DHCR7: variants seen among roughly 807,000 people sequenced by gnomAD.
DHCR7 encodes the protein 7-dehydrocholesterol reductase.
Under a neutral mutation model 43.3 loss-of-function variants are expected in DHCR7, and 40 were observed. The observed-to-expected ratio is 0.92, with a 90% confidence interval of 0.72 to 1.20. The LOEUF (loss-of-function observed/expected upper bound fraction) is 1.20, where lower values mean the gene tolerates loss of function less well. Ranked by LOEUF, DHCR7 falls within the 50% of genes most tolerant of loss-of-function variation. The pLI is 0.00. For synonymous variants in DHCR7, 298 were observed against 271.4 expected, an observed-to-expected ratio of 1.10 and a Z score of -0.96; for missense variants, 608 against 644.6, an observed-to-expected ratio of 0.94 and a Z score of 0.62.
chr11:71,438,865 G>T lies in DHCR7; in HGVS notation c.831+14C>A. ...CGGCATCGGCGTTTCACCCTCTCCA[G>T]CCATGACAGGCACCTGCAGGACGTT... On this transcript the variant is annotated intron_variant, in intron 7 of 8. Transcript: ENST00000355527. 4 of 1,613,288 alleles carry T rather than the reference G, an allele frequency of 2.5e-6. No individual in the cohort carries two copies. In the South Asian group the frequency reaches 4.4e-5, roughly 18 times the overall value.
intron 4 of DHCR7, among the ~76,000 whole-genome samples, chr11:71,443,427 T>C (rs1197354469): frequency 1.3e-5 from 2 of 152,108 alleles, no homozygotes; most frequent in African/African-American, 4.8e-5. Flanking sequence ...TTTTCCTGGG[T>C]TCAGGCAATC....
At chr11:71,436,058 T>C (rs571501575) in intron 8 of DHCR7, 3 of 586,950 alleles carry the variant, frequency 5.1e-6, no homozygotes, top group Non-Finnish European at 6.1e-6. Context: ...TGTGTGTGTA[T>C]GTGTGTGTGT....
downstream of DHCR7, among the ~76,000 whole-genome samples, chr11:71,431,524 C>T (rs148884139): frequency 4.6e-5 from 7 of 152,316 alleles, no homozygotes; most frequent in East Asian, 1.9e-4. Flanking sequence ...CAAGCCCAGT[C>T]GGCCCTCGGT....
At chr11:71,440,583 G>C (rs996958919) in intron 6 of DHCR7, among the ~76,000 whole-genome samples, 8 of 151,754 alleles carry the variant, frequency 5.3e-5, no homozygotes, top group Non-Finnish European at 8.8e-5. Context: ...ATGGGTGATG[G>C]GAGGGTAGAT....
At chr11:71,445,744 G>A (rs573049030) in intron 2 of DHCR7, among the ~76,000 whole-genome samples, 9 of 152,314 alleles carry the variant, frequency 5.9e-5, no homozygotes, top group Middle Eastern at 6.8e-3. Context: ...TAATTTGGGG[G>A]AAGCAGTGAC....
chr11:71,433,386 C>T (rs1402151187), downstream of DHCR7, among the ~76,000 whole-genome samples: 2 of 152,236 alleles, frequency 1.3e-5, no homozygotes, highest in African/African-American at 2.4e-5. Flanking sequence ...CTTGCACCTG[C>T]AGAACCCATT....
At chr11:71,440,544 G>A (rs1949337856) in intron 6 of DHCR7, among the ~76,000 whole-genome samples, 2 of 149,638 alleles carry the variant, frequency 1.3e-5, no homozygotes, top group Admixed American at 1.3e-4. Flanking sequence ...TGTGTAGGTG[G>A]GTGGGTAGGT....
rs371380132 is a variant in DHCR7, at chr11:71,437,616, T to C, written c.963+196A>G. On this transcript the variant is annotated intron_variant, in intron 8 of 8. Transcript: ENST00000355527. ...GCCGGCATCTGCCCTACTTTGCAGA[T>C]GTTAGGGACATACTCAAGGCCACCT... Among the ~76,000 whole-genome samples, 4 of 152,176 alleles carry C rather than the reference T, an allele frequency of 2.6e-5. No homozygotes were observed. The East Asian group carries it at 7.7e-4, about 29-fold the overall frequency.
upstream of DHCR7, chr11:71,448,458 A>G (rs995463306): frequency 2.0e-5 from 3 of 152,260 alleles, no homozygotes; most frequent in Admixed American, 6.5e-5. Context: ...CGGACCCTGC[A>G]CGCCCGGCGG....
At chr11:71,438,377 A>C (rs1173731328) in intron 7 of DHCR7, among the ~76,000 whole-genome samples, 1 of 152,026 alleles carries the variant, frequency 6.6e-6, no homozygotes, top group African/African-American at 2.4e-5. Context: ...GCCACCCTGC[A>C]CCCCAGCTCA....
Position 71,438,849 on chromosome 11 carries a change from C to T in DHCR7, c.831+30G>A, listed in dbSNP as rs559264290. The T allele has an allele frequency of 3.7e-5, 60 of 1,609,916 alleles. No individual in the cohort carries two copies. In the South Asian group the frequency reaches 4.7e-4, roughly 13 times the overall value. On this transcript the variant is annotated intron_variant, in intron 7 of 8. Coordinates refer to ENST00000355527, the MANE Select transcript of DHCR7 (RefSeq NM_001360.3). ...TTCCCCCAGAGCCTGCCGGCATCGG[C>T]GTTTCACCCTCTCCAGCCATGACAG...
downstream of DHCR7, among the ~76,000 whole-genome samples, chr11:71,432,943 A>C (rs1041124297): frequency 6.6e-6 from 1 of 152,254 alleles, no homozygotes; most frequent in African/African-American, 2.4e-5. Context: ...GTTTCTGAGA[A>C]AGGCCTCACC....
rs773505265 is a variant in DHCR7 at position 71,435,669 on chromosome 11, G to A, written c.1134C>T (p.Ile378=). The change falls in exon 9 of 9, where the codon ATC becomes ATT. Residue 378 remains isoleucine, a synonymous_variant. Transcript: ENST00000355527. ...CATCGGCGGATGTGTAGGAGCACTCGATGACCTTGGGCTTCCTGCCCCAGA... is the reference window on the plus strand; with the variant it reads ...CATCGGCGGATGTGTAGGAGCACTCAATGACCTTGGGCTTCCTGCCCCAGA... ...CLIWGRKPKV[I]ECSYTSADGQ... The A allele has an allele frequency of 6.2e-6, 10 of 1,612,942 alleles. No homozygotes were observed. The highest frequency in any genetic ancestry group is 1.6e-4 in the Middle Eastern group (1 of 6,084).
intron 8 of DHCR7, among the ~76,000 whole-genome samples, chr11:71,437,149 T>C (rs1949291733): frequency 6.6e-6 from 1 of 152,186 alleles, no homozygotes; most frequent in Non-Finnish European, 1.5e-5. Flanking sequence ...CCCACAGGAC[T>C]GGCTGTCACA....
chr11:71,438,613 G>T, intron 7 of DHCR7: 1 of 550,404 alleles, frequency 1.8e-6, no homozygotes, highest in East Asian at 3.2e-5. Flanking sequence ...ATTCTACCCA[G>T]GTGTAATCCC....
At position 71,444,032 on chromosome 11, in the gene DHCR7, C is replaced by T. The variant is rs541593878; in HGVS notation, c.282G>A (p.Arg94=). The T allele has an allele frequency of 1.7e-5, 28 of 1,613,426 alleles. No individual in the cohort carries two copies. The highest frequency in any genetic ancestry group is 2.4e-5 in the Non-Finnish European group (28 of 1,179,722). The change falls in exon 4 of 9, where the codon AGG becomes AGA. Residue 94 remains arginine, a synonymous_variant. Transcript: ENST00000355527. ...ACAAGGTATAGAGCTGGGCGGCTTT[C>T]CTCGTTATAGGTGGAGTCTTGGCCC... ...DIWAKTPPIT[R]KAAQLYTLWV...
downstream of DHCR7, among the ~76,000 whole-genome samples, chr11:71,430,478 C>T (rs1345859926): frequency 3.5e-5 from 5 of 144,532 alleles, no homozygotes; most frequent in Non-Finnish European, 7.6e-5. Context: ...TTACAGTGCT[C>T]CTTTAGTTCT....
intron 8 of DHCR7, among the ~76,000 whole-genome samples, chr11:71,436,643 A>G (rs1463405505): frequency 6.8e-6 from 1 of 146,672 alleles, no homozygotes; most frequent in East Asian, 2.0e-4. Context: ...AGCCTGTGTG[A>G]CAGAGCGAGA....
At chr11:71,437,393 T>G (rs1178663537) in intron 8 of DHCR7, among the ~76,000 whole-genome samples, 2 of 152,190 alleles carry the variant, frequency 1.3e-5, no homozygotes, top group Non-Finnish European at 2.9e-5. Flanking sequence ...AGAGCAGGGC[T>G]GCTCTCGTTG....
Sources: allele counts gnomAD v4.1 joint callset (sites outside exome capture counted in the v4.1 genomes callset), GRCh38; gene constraint gnomAD v4.1.1; transcripts MANE v1.5; gene names NCBI Gene and HGNC (gene_info 2026-07-23, HGNC 2026-07-21).